NEMP2: variants seen among roughly 807,000 people sequenced by gnomAD.
NEMP2 encodes UPF0571 transmembrane protein.
A neutral mutation model predicts 54.2 loss-of-function variants in NEMP2; 53 were observed. The ratio of observed to expected loss-of-function variants is 0.98; its 90% confidence interval spans 0.78 to 1.23. The LOEUF is 1.23. NEMP2 is among the 50% of genes most tolerant of loss of function. The pLI, the probability that NEMP2 is intolerant of heterozygous loss-of-function variation, is 0.00. For missense variants in NEMP2, 455 were observed against 511.3 expected (o/e 0.89, Z 1.06); for synonymous variants, 197 against 190.3 (o/e 1.04, Z -0.29).
At chr2:190,647,062 G>T in the NEMP2 span, among the ~76,000 whole-genome samples, 1 of 152,102 alleles carries the variant, frequency 6.6e-6, no homozygotes, top group Non-Finnish European at 1.5e-5. Flanking sequence ...TCTTTAACAT[G>T]ACCATCTAAC....
the NEMP2 span, among the ~76,000 whole-genome samples, chr2:190,579,102 GAAAT>G: frequency 9.2e-6 from 1 of 109,042 alleles, no homozygotes; most frequent in Non-Finnish European, 2.1e-5. Flanking sequence ...CTGTAAGTTA[GAAAT>G]AAATACTTTC....
chr2:190,519,094 G>T lies in NEMP2; in HGVS notation c.303C>A (p.Ile101=). ...TCCAAAAGTTATGAATCACACATTTGATAAAAGATAGAATGTTTTCTGGAT... is the reference window on the plus strand; with the variant it reads ...TCCAAAAGTTATGAATCACACATTTTATAAAAGATAGAATGTTTTCTGGAT... ...CQYPENILSF[I]KCVIHNFWIP... The change falls in exon 3 of 9, where the codon ATC becomes ATA. Residue 101 remains isoleucine, a synonymous_variant. Coordinates refer to ENST00000409150, the MANE Select transcript of NEMP2 (RefSeq NM_001142645.2). The surrounding 1 kb of genome is among the most constrained non-coding windows in gnomAD (Gnocchi z 5.4). 1 of 1,550,890 alleles carries T rather than the reference G, an allele frequency of 6.4e-7. No homozygotes were observed. The highest frequency in any genetic ancestry group is 1.2e-5 in the South Asian group (1 of 84,018).
chr2:190,645,413 T>C, the NEMP2 span, among the ~76,000 whole-genome samples: 1 of 152,190 alleles, frequency 6.6e-6, no homozygotes, highest in Non-Finnish European at 1.5e-5. Flanking sequence ...TAAAATTACT[T>C]CACAATTTAC....
chr2:190,579,520 A>G, the NEMP2 span, among the ~76,000 whole-genome samples: 3 of 152,318 alleles, frequency 2.0e-5, no homozygotes, highest in South Asian at 4.1e-4. Flanking sequence ...TTCTAGGACT[A>G]TAGTGTGCTT....
chr2:190,621,373 C>T, the NEMP2 span, among the ~76,000 whole-genome samples: 1 of 152,114 alleles, frequency 6.6e-6, no homozygotes, highest in African/African-American at 2.4e-5. Flanking sequence ...CATATTAAAA[C>T]ATAGAAAAGG....
At position 190,519,076 on chromosome 2, in the gene NEMP2, G is replaced by GTT; in HGVS notation, c.319_320dup (p.Asn107LysfsTer12). 1.3e-6 allele frequency: 2 copies of GTT among 1,550,944 alleles called. No homozygotes were observed. The highest frequency in any genetic ancestry group is 1.7e-6 in the Non-Finnish European group (2 of 1,146,644). On this transcript the variant is annotated frameshift_variant, in exon 3 of 9. Coordinates refer to ENST00000409150, the MANE Select transcript of NEMP2 (RefSeq NM_001142645.2). LOFTEE classifies it high-confidence loss of function. This position sits in a 1 kb window ranked among gnomAD's most constrained non-coding sequence, Gnocchi z 5.4. ...CGTTAGATTCCTTTGGTATCCAAAA[G>GTT]TTATGAATCACACATTTGATAAAAG...
At chr2:190,557,693 A>T in the NEMP2 span, among the ~76,000 whole-genome samples, 3 of 152,260 alleles carry the variant, frequency 2.0e-5, no homozygotes, top group African/African-American at 4.8e-5. Flanking sequence ...AAAAGAAGAC[A>T]TCTATGTGGC....
At chr2:190,578,877 T>C in the NEMP2 span, among the ~76,000 whole-genome samples, 1 of 152,142 alleles carries the variant, frequency 6.6e-6, no homozygotes, top group African/African-American at 2.4e-5. The surrounding 1 kb of genome is among the most constrained non-coding windows in gnomAD (Gnocchi z 4.4). Flanking sequence ...ATCTCCTTTG[T>C]GGGAACGGAT....
At chr2:190,448,797 A>G in the NEMP2 span, among the ~76,000 whole-genome samples, 5 of 152,190 alleles carry the variant, frequency 3.3e-5, no homozygotes, top group Non-Finnish European at 7.3e-5. Context: ...TAAGGAAATA[A>G]TGGCAAAATA....
the NEMP2 span, among the ~76,000 whole-genome samples, chr2:190,584,911 GAA>G: frequency 2.4e-5 from 1 of 40,996 alleles, no homozygotes; most frequent in East Asian, 9.5e-4. The surrounding 1 kb of genome is among the most constrained non-coding windows in gnomAD (Gnocchi z 4.2). Flanking sequence ...AAGAAAGAAA[GAA>G]AGAAAGAAAG....
chr2:190,598,297 G>A, the NEMP2 span, among the ~76,000 whole-genome samples: 1 of 152,092 alleles, frequency 6.6e-6, no homozygotes, highest in Non-Finnish European at 1.5e-5. Flanking sequence ...GGAAAATGAG[G>A]GCTTCCTCCA....
the NEMP2 span, among the ~76,000 whole-genome samples, chr2:190,464,507 A>G: frequency 6.6e-6 from 1 of 152,138 alleles, no homozygotes; most frequent in South Asian, 2.1e-4. Flanking sequence ...TTCTTCAAAA[A>G]TCCTTAGACT....
At chr2:190,644,514 C>CA in the NEMP2 span, among the ~76,000 whole-genome samples, 5 of 151,924 alleles carry the variant, frequency 3.3e-5, no homozygotes, top group Non-Finnish European at 5.9e-5. This position sits in a 1 kb window ranked among gnomAD's most constrained non-coding sequence, Gnocchi z 4.4. Context: ...TTCAGAAGCA[C>CA]AAAAAAAATT....
downstream of NEMP2, chr2:190,501,632 G>A (rs1690029625): frequency 6.6e-6 from 1 of 152,514 alleles, no homozygotes; most frequent in Admixed American, 6.5e-5. Flanking sequence ...TGATTAGACA[G>A]GATCAATTGT....
At chr2:190,595,569 C>A in the NEMP2 span, among the ~76,000 whole-genome samples, 10 of 152,024 alleles carry the variant, frequency 6.6e-5, no homozygotes, top group Admixed American at 5.2e-4. This position sits in a 1 kb window ranked among gnomAD's most constrained non-coding sequence, Gnocchi z 4.0. Flanking sequence ...AAAAAAACAA[C>A]CCCATCAAAA....
At chr2:190,598,061 T>C in the NEMP2 span, among the ~76,000 whole-genome samples, 1 of 152,182 alleles carries the variant, frequency 6.6e-6, no homozygotes, top group Admixed American at 6.5e-5. Context: ...CCATCCTGTG[T>C]ATTGTAGGAT....
chr2:190,582,756 C>A, the NEMP2 span, among the ~76,000 whole-genome samples: 3 of 152,152 alleles, frequency 2.0e-5, no homozygotes, highest in African/African-American at 4.8e-5. This position sits in a 1 kb window ranked among gnomAD's most constrained non-coding sequence, Gnocchi z 4.6. Context: ...GTCTTTAAGA[C>A]TTTTGTCTAA....
the NEMP2 span, among the ~76,000 whole-genome samples, chr2:190,566,628 GGGGAA>G: frequency 1.3e-5 from 2 of 149,376 alleles, no homozygotes; most frequent in African/African-American, 2.5e-5. Flanking sequence ...AAGAAAGGAA[GGGGAA>G]GGGAAGGGAG....
chr2:190,626,872 AT>A, the NEMP2 span: 2 of 152,230 alleles, frequency 1.3e-5, no homozygotes. The surrounding 1 kb of genome is among the most constrained non-coding windows in gnomAD (Gnocchi z 4.5). Context: ...TTTAATGGTA[AT>A]AGGAATCACA....
Sources: gnomAD v4.1 joint callset for allele counts (sites outside exome capture counted in the v4.1 genomes callset) on GRCh38, gnomAD v4.1.1 for gene constraint, Gnocchi (gnomAD v3.1) non-coding constraint, MANE v1.5 for transcripts, NCBI Gene and HGNC (gene_info 2026-07-23, HGNC 2026-07-21) for gene names.